The following AP3B1 variants were observed in gnomAD, a reference collection of about 807,000 sequenced individuals.
The protein encoded by AP3B1 is AP-3 complex subunit beta-1.
In AP3B1, 61 loss-of-function variants were observed where a neutral mutation model predicts 132.5. The observed-to-expected ratio is 0.46, with a 90% CI of 0.37 to 0.57. The LOEUF is 0.57. AP3B1 is among the 20% of genes least tolerant of loss of function. AP3B1 has a pLI of 0.00. For synonymous variants in AP3B1, 388 were observed against 438.3 expected (o/e 0.89, Z 1.43); for missense variants, 1,120 against 1,289.4 (o/e 0.87, Z 2.01).
intron 17 of AP3B1, among the ~76,000 whole-genome samples, chr5:78,119,058 G>A (rs79282260): frequency 2.0e-5 from 3 of 152,152 alleles, no homozygotes; most frequent in Admixed American, 6.5e-5. Context: ...TGCACCCACC[G>A]CTGCTGATAC....
intron 20 of AP3B1, among the ~76,000 whole-genome samples, chr5:78,109,247 G>A (rs1255905614): frequency 1.3e-5 from 2 of 152,072 alleles, no homozygotes; most frequent in Admixed American, 1.3e-4. Flanking sequence ...AAGAAAATGT[G>A]AAATAAGGCA....
In AP3B1 at chr5:78,177,988, G is replaced by A. The variant is rs146757364; in HGVS notation, c.943-552C>T. ...TCAGTTTGTGGCAATATGTATGGCA[G>A]TGCTATGAAAAGAATACATCCTCAG... On this transcript the variant is annotated intron_variant, in intron 8 of 26. Coordinates refer to ENST00000255194, the MANE Select transcript of AP3B1 (RefSeq NM_003664.5). Among the ~76,000 whole-genome samples the A allele has an allele frequency of 2.6e-5, 4 of 152,220 alleles. No homozygotes were observed. The East Asian group carries it at 5.8e-4, about 22-fold the overall frequency.
chr5:78,252,679 T>C (rs1461618965), intron 2 of AP3B1, among the ~76,000 whole-genome samples: 3 of 152,128 alleles, frequency 2.0e-5, no homozygotes, highest in Non-Finnish European at 2.9e-5. Context: ...ACCTTGTGGT[T>C]TGAGTGCCAG....
At chr5:78,042,068 T>C (rs1472572189) in intron 22 of AP3B1, 1 of 206,582 alleles carries the variant, frequency 4.8e-6, no homozygotes, top group Non-Finnish European at 1.0e-5. Context: ...TCACCAGTGA[T>C]GCTATAGATG....
intron 22 of AP3B1, among the ~76,000 whole-genome samples, chr5:78,067,427 G>C (rs1489652243): frequency 2.0e-5 from 3 of 152,126 alleles, no homozygotes; most frequent in Non-Finnish European, 4.4e-5. Flanking sequence ...GGATCTGATG[G>C]ATATCTACAG....
chr5:78,294,472 GAGGCCGA>G lies in AP3B1; in HGVS notation c.101_107del (p.Phe34SerfsTer6). 6.2e-7 allele frequency: 1 copy of G among 1,614,230 alleles called. No homozygotes were observed. The highest frequency in any genetic ancestry group is 8.5e-7 in the Non-Finnish European group (1 of 1,180,050). ...CTCACTTCTTCAAATCGCTGCTAAA[GAGGCCGA>G]AGGCCCCCGAGGGGGAAATGGTTGA... is the stretch of plus-strand genomic sequence containing the variant. On this transcript the variant is annotated frameshift_variant, in exon 1 of 27. Coordinates refer to ENST00000255194, the MANE Select transcript of AP3B1 (RefSeq NM_003664.5). LOFTEE classifies it high-confidence loss of function.
At chr5:78,276,252 G>C (rs780030079) in intron 1 of AP3B1, among the ~76,000 whole-genome samples, 2 of 151,938 alleles carry the variant, frequency 1.3e-5, no homozygotes, top group Non-Finnish European at 2.9e-5. Context: ...ATTTTTTGTA[G>C]AGATAGGGTC....
chr5:78,110,192 T>G lies in AP3B1; in HGVS notation c.2397+15A>C. The G allele has an allele frequency of 1.3e-6, 2 of 1,594,540 alleles. No individual in the cohort carries two copies. Among genetic ancestry groups the G allele is most frequent in the Non-Finnish European group, 1.7e-6 (2 of 1,167,688 alleles). ...AATATTTACCTTCAATTACAACAAA[T>G]GTATAATCTCTTACCTTAGTGACTC... is the stretch of plus-strand genomic sequence containing the variant. On this transcript the variant is annotated intron_variant, in intron 20 of 26. Coordinates refer to ENST00000255194, the MANE Select transcript of AP3B1 (RefSeq NM_003664.5).
At chr5:78,068,095 T>C (rs1284198523) in intron 22 of AP3B1, among the ~76,000 whole-genome samples, 2 of 152,014 alleles carry the variant, frequency 1.3e-5, no homozygotes, top group East Asian at 3.9e-4. Context: ...GAGGCCAAAG[T>C]GGGCAGATTA....
intron 17 of AP3B1, among the ~76,000 whole-genome samples, chr5:78,119,210 C>G (rs919924961): frequency 6.6e-6 from 1 of 152,106 alleles, no homozygotes; most frequent in Non-Finnish European, 1.5e-5. Context: ...CATCAAAGAT[C>G]AAAAGTAGAT....
chr5:78,094,655 T>C (rs1193501317), intron 21 of AP3B1, among the ~76,000 whole-genome samples: 1 of 152,040 alleles, frequency 6.6e-6, no homozygotes, highest in Non-Finnish European at 1.5e-5. Context: ...CTCATGCCTC[T>C]AACAGCTTGA....
chr5:78,159,332 G>C (rs577209302), intron 13 of AP3B1, among the ~76,000 whole-genome samples: 1 of 152,106 alleles, frequency 6.6e-6, no homozygotes, highest in Non-Finnish European at 1.5e-5. Flanking sequence ...GTTTCCTATT[G>C]TTGCTGTCAC....
intron 1 of AP3B1, among the ~76,000 whole-genome samples, chr5:78,286,485 C>T (rs6453381): frequency 0.3 from 45,991 of 151,948 alleles, 7,172 homozygotes; most frequent in Middle Eastern, 0.4. Context: ...CCAGAGGATG[C>T]GGCAACAACA....
At chr5:78,079,714 T>C (rs1749909201) in intron 22 of AP3B1, among the ~76,000 whole-genome samples, 1 of 152,190 alleles carries the variant, frequency 6.6e-6, no homozygotes, top group Admixed American at 6.5e-5. Context: ...ATAAAATAAT[T>C]CAGGCAAAGA....
At chr5:78,175,742 T>A in intron 10 of AP3B1, 42 bp downstream of exon 10, 1 of 1,607,106 alleles carries the variant, frequency 6.2e-7, no homozygotes, top group Non-Finnish European at 8.5e-7. Flanking sequence ...GGTACTAATG[T>A]GTTCATGTGT....
intron 17 of AP3B1, among the ~76,000 whole-genome samples, chr5:78,123,212 A>C (rs931485036): frequency 2.6e-5 from 4 of 152,254 alleles, no homozygotes; most frequent in African/African-American, 9.6e-5. Context: ...TGGATTAAAG[A>C]CTTAAATGTT....
chr5:78,177,492 C>T, intron 8 of AP3B1, 56 bp from the exon 9 acceptor site: 3 of 1,238,766 alleles, frequency 2.4e-6, no homozygotes, highest in Non-Finnish European at 3.6e-6. Context: ...ACTCTACAAC[C>T]TCAAAATCCA....
chr5:78,015,354 A>G, intron 26 of AP3B1, 56 bp downstream of exon 26: 2 of 1,541,922 alleles, frequency 1.3e-6, no homozygotes, highest in Non-Finnish European at 1.8e-6. Flanking sequence ...TTAAAATTAT[A>G]TATTTATACA....
intron 1 of AP3B1, among the ~76,000 whole-genome samples, chr5:78,291,986 T>C (rs1204687885): frequency 6.6e-6 from 1 of 152,152 alleles, no homozygotes; most frequent in Non-Finnish European, 1.5e-5. Flanking sequence ...TACGTATATG[T>C]GCCTGAATAT....
Sources: allele counts gnomAD v4.1 joint callset (sites outside exome capture counted in the v4.1 genomes callset), GRCh38; gene constraint gnomAD v4.1.1; transcripts MANE v1.5; gene names NCBI Gene and HGNC (gene_info 2026-07-23, HGNC 2026-07-21).